Variants in POLR1C observed in about 807,000 individuals in gnomAD.
POLR1C encodes DNA-directed RNA polymerases I and III subunit RPAC1.
Under a neutral mutation model 38.3 loss-of-function variants are expected in POLR1C, and 42 were observed. The observed-to-expected ratio is 1.10, with a 90% CI of 0.86 to 1.42. POLR1C has a LOEUF of 1.42. Among genes scored for constraint, POLR1C ranks in the 40% most tolerant of loss-of-function variants. POLR1C has a pLI of 0.00. For synonymous variants in POLR1C, 163 were observed against 163.9 expected, an observed-to-expected ratio of 0.99 and a Z score of 0.04; for missense variants, 507 against 450.5, an observed-to-expected ratio of 1.13 and a Z score of -1.14.
At chr6:43,560,219 T>C (rs1339096626) in intron 10 of POLR1C, 1 of 1,612,594 alleles carries the variant, frequency 6.2e-7, no homozygotes, top group East Asian at 2.2e-5. Flanking sequence ...TATTTTGGTA[T>C]TATTGCTAAT....
At chr6:43,520,478 G>T (rs1320050934) in intron 6 of POLR1C, 51 bp downstream of exon 6, 3 of 1,609,810 alleles carry the variant, frequency 1.9e-6, no homozygotes, top group Non-Finnish European at 2.5e-6. Context: ...GGTTGCAGTG[G>T]GGCAAGCTGA....
At chr6:43,539,101 G>T in intron 9 of POLR1C, 6 of 1,285,400 alleles carry the variant, frequency 4.7e-6, no homozygotes, top group Non-Finnish European at 6.6e-6. Context: ...CAATGCCAGT[G>T]CCCCTGGGTG....
chr6:43,519,123 A>G (rs529165082), intron 2 of POLR1C: 16 of 612,220 alleles, frequency 2.6e-5, no homozygotes, highest in East Asian at 1.7e-4. Context: ...GCCATATTGC[A>G]TAGGGTTTTA....
At chr6:43,532,709 C>T (rs1204300969), downstream of POLR1C, among the ~76,000 whole-genome samples, 1 of 152,228 alleles carries the variant, frequency 6.6e-6, no homozygotes, top group Non-Finnish European at 1.5e-5. Flanking sequence ...TCTGACTTCC[C>T]TCTGAGACTG....
At chr6:43,529,153 C>G in intron 8 of POLR1C, 2 of 1,385,436 alleles carry the variant, frequency 1.4e-6, no homozygotes, top group Non-Finnish European at 2.0e-6. Context: ...TCAGGCTGCA[C>G]ATTATGGTCA....
chr6:43,529,156 T>C, intron 8 of POLR1C: 3 of 1,416,892 alleles, frequency 2.1e-6, no homozygotes, highest in South Asian at 2.3e-5. Context: ...GGCTGCACAT[T>C]ATGGTCACTG....
At position 43,521,425 on chromosome 6, in the gene POLR1C, C is replaced by CT; in HGVS notation, c.*125_*126insT. 1 of 1,569,670 alleles carries CT rather than the reference C, an allele frequency of 6.4e-7. No individual in the cohort carries two copies. Among genetic ancestry groups the CT allele is most frequent in the East Asian group, 2.3e-5 (1 of 43,564 alleles). ...TTTCTGGGACAATTCCAGCTTTAATCAATACATTTTGTTAAATGTGCCATA... is the reference window on the plus strand; with the variant it reads ...TTTCTGGGACAATTCCAGCTTTAATCTAATACATTTTGTTAAATGTGCCATA... On this transcript the variant is annotated 3_prime_UTR_variant, in exon 9 of 9. Transcript: ENST00000642195.
chr6:43,547,712 A>G, intron 9 of POLR1C: 1 of 1,613,682 alleles, frequency 6.2e-7, no homozygotes, highest in Non-Finnish European at 8.5e-7. Flanking sequence ...AGCACTCTGA[A>G]GGTTGGAGGG....
intron 9 of POLR1C, chr6:43,548,285 A>T: frequency 6.2e-7 from 1 of 1,611,406 alleles, no homozygotes; most frequent in Non-Finnish European, 8.5e-7. Flanking sequence ...AGAAAGCCAG[A>T]TGCTGGCCAC....
exon 9 of POLR1C, chr6:43,529,370 G>A (rs112002297): frequency 5.9e-5 from 14 of 236,418 alleles, no homozygotes; most frequent in East Asian, 1.5e-4. Flanking sequence ...GTGAAACCCC[G>A]TCTCTACTAA....
At chr6:43,555,995 G>A (rs1429941612) in intron 10 of POLR1C, 1 of 1,611,078 alleles carries the variant, frequency 6.2e-7, no homozygotes, top group Admixed American at 1.7e-5. Flanking sequence ...GGGAAGGACA[G>A]GAATCAATAA....
chr6:43,540,306 T>C (rs1012067409), intron 9 of POLR1C, among the ~76,000 whole-genome samples: 4 of 152,188 alleles, frequency 2.6e-5, no homozygotes, highest in African/African-American at 9.7e-5. Context: ...GGTGAAACCC[T>C]GTCTCTACTA....
downstream of POLR1C, chr6:43,534,053 A>T: frequency 4.1e-6 from 6 of 1,453,990 alleles, no homozygotes; most frequent in African/African-American, 1.4e-5. Context: ...CTGATGCAGA[A>T]GGAAAGAGTG....
intron 2 of POLR1C, 27 bp from the exon 3 acceptor site, chr6:43,519,306 C>A (rs749778922): frequency 8.0e-6 from 11 of 1,377,674 alleles, no homozygotes; most frequent in Non-Finnish European, 9.3e-6. Flanking sequence ...GCAGATTTCA[C>A]TTAAATGTTT....
chr6:43,527,481 C>G (rs1011976864), intron 8 of POLR1C: 2 of 687,306 alleles, frequency 2.9e-6, no homozygotes, highest in Non-Finnish European at 4.9e-6. Flanking sequence ...ACCATGTTGG[C>G]CAGGATGGTC....
At chr6:43,527,512 T>C (rs1561863756) in intron 8 of POLR1C, 5 of 934,456 alleles carry the variant, frequency 5.4e-6, no homozygotes, top group Non-Finnish European at 8.2e-6. Flanking sequence ...GACCTCGCAA[T>C]CCACCATGCC....
chr6:43,543,627 A>C (rs9472074), intron 9 of POLR1C, among the ~76,000 whole-genome samples: 1 of 151,920 alleles, frequency 6.6e-6, no homozygotes, highest in Non-Finnish European at 1.5e-5. Flanking sequence ...TCACAAGTTA[A>C]GCCCTTTTCT....
At chr6:43,533,993 A>G, downstream of POLR1C, 1 of 1,601,624 alleles carries the variant, frequency 6.2e-7, no homozygotes, top group Non-Finnish European at 8.5e-7. Flanking sequence ...TGGTGCATAT[A>G]ATGTATTGTG....
At chr6:43,519,657 G>T (rs1793033685) in intron 3 of POLR1C, 49 bp from the exon 4 acceptor site, 1 of 1,613,818 alleles carries the variant, frequency 6.2e-7, no homozygotes. Flanking sequence ...GGGATAGGTA[G>T]GGGGTCTGTT....
Sources: gnomAD v4.1 joint callset for allele counts (sites outside exome capture counted in the v4.1 genomes callset) on GRCh38, gnomAD v4.1.1 for gene constraint, MANE v1.5 for transcripts, NCBI Gene and HGNC (gene_info 2026-07-23, HGNC 2026-07-21) for gene names.